ARHGEF3: variants seen among roughly 807,000 people sequenced by gnomAD.
The protein encoded by ARHGEF3 is Rho guanine nucleotide exchange factor 3.
A neutral mutation model predicts 63.2 loss-of-function variants in ARHGEF3; 28 were observed. The observed-to-expected ratio is 0.44, with a 90% CI of 0.33 to 0.61. The LOEUF (loss-of-function observed/expected upper bound fraction) is 0.61. Among genes scored for constraint, ARHGEF3 ranks in the 20% least tolerant of loss-of-function variants. The pLI is 0.03. For synonymous variants in ARHGEF3, 266 were observed against 254.2 expected (o/e 1.05, Z -0.44); for missense variants, 533 against 659.3 (o/e 0.81, Z 2.10).
chr3:56,754,999 C>T lies in ARHGEF3; in HGVS notation c.357G>A (p.Lys119=). Residue 119 remains lysine, a synonymous_variant, in exon 3 of 10, where the codon AAG becomes AAA. Transcript: ENST00000296315. ...DVCVNQMLTS[K]EIKRQEAIFE... ...AGCCTACCTCCTGACGTTTGATTTC[C>T]TTGGATGTAAGCATCTGATTGACGC... 1 of 1,614,198 alleles carries T rather than the reference C, an allele frequency of 6.2e-7. No individual in the cohort carries two copies. Among genetic ancestry groups the T allele is most frequent in the Non-Finnish European group, 8.5e-7 (1 of 1,180,038 alleles).
chr3:56,805,621 C>T (rs73833731), upstream of ARHGEF3, among the ~76,000 whole-genome samples: 8,333 of 152,190 alleles, frequency 0.055, 714 homozygotes, highest in African/African-American at 0.18. Context: ...AGAAGGCTGC[C>T]GTATCCATCT....
chr3:56,975,790 G>C (rs1407286600), intron 2 of ARHGEF3: 4 of 429,974 alleles, frequency 9.3e-6, no homozygotes, highest in African/African-American at 4.1e-5. Flanking sequence ...CCAATACTGA[G>C]TTGGTTCTCT....
chr3:56,881,290 G>C (rs2040756524), intron 4 of ARHGEF3, among the ~76,000 whole-genome samples: 1 of 152,190 alleles, frequency 6.6e-6, no homozygotes, highest in Admixed American at 6.5e-5. Context: ...CATCTCATAA[G>C]AGTAGCTTTC....
At chr3:56,892,335 G>A (rs927146473) in intron 3 of ARHGEF3, among the ~76,000 whole-genome samples, 3 of 152,090 alleles carry the variant, frequency 2.0e-5, no homozygotes, top group Non-Finnish European at 2.9e-5. Context: ...TGGATGTGAC[G>A]CAAAGCACAA....
In ARHGEF3 at chr3:56,751,457, A is replaced by C. The variant is rs141465754; in HGVS notation, c.439-61T>G. 4 of 1,426,292 alleles carry C rather than the reference A, an allele frequency of 2.8e-6. No homozygotes were observed. In the African/African-American group the frequency reaches 4.2e-5, roughly 15 times the overall value. The allele number at this position is 1,426,292 out of a possible 1,614,324, so 88.4% of individuals were successfully genotyped here. On this transcript the variant is annotated intron_variant, in intron 4 of 9. Transcript: ENST00000296315. The stretch of plus-strand genomic sequence containing the variant: ...TAAAATCAGAGGAAGTACATTGTTC[A>C]TGTAAGTGGCTCCTGAGAGGTCCTA...
chr3:57,014,004 T>C (rs1353068018), intron 2 of ARHGEF3, among the ~76,000 whole-genome samples: 2 of 152,210 alleles, frequency 1.3e-5, no homozygotes, highest in Non-Finnish European at 2.9e-5. Flanking sequence ...GCTCACTCTT[T>C]GGATCTGCAC....
chr3:56,889,961 C>T (rs1429874722), intron 3 of ARHGEF3, among the ~76,000 whole-genome samples: 1 of 151,930 alleles, frequency 6.6e-6, no homozygotes, highest in Non-Finnish European at 1.5e-5. Context: ...ATCCAGAAGG[C>T]TGAGGCAGGA....
chr3:56,898,344 G>A (rs890531694), intron 3 of ARHGEF3, among the ~76,000 whole-genome samples: 3 of 152,066 alleles, frequency 2.0e-5, no homozygotes, highest in Non-Finnish European at 4.4e-5. Context: ...TGAGTAGCTG[G>A]GATTACAGGC....
At chr3:56,955,173 T>A (rs1260330608) in intron 3 of ARHGEF3, among the ~76,000 whole-genome samples, 1 of 144,758 alleles carries the variant, frequency 6.9e-6, no homozygotes, top group Non-Finnish European at 1.5e-5. Flanking sequence ...CAAACACTGA[T>A]CCTTTTTCTT....
intron 4 of ARHGEF3, among the ~76,000 whole-genome samples, chr3:56,832,063 C>T (rs1329066613): frequency 1.3e-5 from 2 of 151,102 alleles, no homozygotes; most frequent in East Asian, 2.0e-4. Flanking sequence ...AGAAAGACTG[C>T]ACAAACTAGA....
intron 4 of ARHGEF3, among the ~76,000 whole-genome samples, chr3:56,863,177 G>T: frequency 6.6e-6 from 1 of 150,696 alleles, no homozygotes. Flanking sequence ...TCACTCTGTT[G>T]CCCAGGCTGG....
intron 1 of ARHGEF3, chr3:57,079,148 G>C: frequency 2.6e-6 from 1 of 385,300 alleles, no homozygotes; most frequent in Non-Finnish European, 4.6e-6. Flanking sequence ...GACCTAGCGG[G>C]GGTGTCCCGC....
At chr3:56,988,633 G>A (rs1237688973) in intron 2 of ARHGEF3, among the ~76,000 whole-genome samples, 3 of 152,202 alleles carry the variant, frequency 2.0e-5, no homozygotes, top group Non-Finnish European at 4.4e-5. Context: ...ATGTCCCAGT[G>A]TTGTTCCCTA....
At chr3:56,812,091 AT>A in intron 4 of ARHGEF3, among the ~76,000 whole-genome samples, 1 of 152,298 alleles carries the variant, frequency 6.6e-6, no homozygotes, top group East Asian at 1.9e-4. Flanking sequence ...CTCAGCTCAT[AT>A]TTGTTGAAAT....
At chr3:57,021,049 T>C (rs1289555148) in intron 2 of ARHGEF3, among the ~76,000 whole-genome samples, 5 of 152,210 alleles carry the variant, frequency 3.3e-5, no homozygotes, top group Non-Finnish European at 7.3e-5. Flanking sequence ...TCAGTATTAC[T>C]CTAAGCCACA....
chr3:56,974,070 A>G (rs1701029886), intron 2 of ARHGEF3, among the ~76,000 whole-genome samples: 1 of 152,176 alleles, frequency 6.6e-6, no homozygotes, highest in Non-Finnish European at 1.5e-5. Context: ...TGGGCGACAG[A>G]TCAAGACTCT....
intron 2 of ARHGEF3, among the ~76,000 whole-genome samples, chr3:56,970,486 C>A (rs1053180289): frequency 6.6e-6 from 1 of 152,114 alleles, no homozygotes; most frequent in Non-Finnish European, 1.5e-5. Context: ...CCTACAAGTC[C>A]ATTTCTGAGG....
At chr3:56,996,485 G>A (rs1579049058) in intron 2 of ARHGEF3, among the ~76,000 whole-genome samples, 2 of 152,168 alleles carry the variant, frequency 1.3e-5, no homozygotes, top group South Asian at 4.1e-4. Context: ...TGGGATTAGT[G>A]CATTAATAAA....
intron 2 of ARHGEF3, among the ~76,000 whole-genome samples, chr3:56,762,582 C>A (rs1046674755): frequency 6.6e-6 from 1 of 152,080 alleles, no homozygotes; most frequent in South Asian, 2.1e-4. Context: ...TTGTTAATGC[C>A]GCCTGTTCAG....
Sources: gnomAD v4.1 joint callset for allele counts (sites outside exome capture counted in the v4.1 genomes callset) on GRCh38, gnomAD v4.1.1 for gene constraint, MANE v1.5 for transcripts, NCBI Gene and HGNC (gene_info 2026-07-23, HGNC 2026-07-21) for gene names.